EVC2: variants seen among roughly 807,000 people sequenced by gnomAD.
EVC2 encodes the protein EvC ciliary complex subunit 2.
Under a neutral mutation model 149.3 loss-of-function variants are expected in EVC2, and 148 were observed. That is an observed-to-expected ratio of 0.99 (90% CI 0.87 to 1.14). The LOEUF (loss-of-function observed/expected upper bound fraction) is 1.14, where lower values mean the gene tolerates loss of function less well. Among genes scored for constraint, EVC2 ranks in the 50% most tolerant of loss-of-function variants. The probability of loss-of-function intolerance (pLI) is 0.00; values close to 1 mark genes in which losing one functional copy is unlikely to be tolerated. For synonymous variants in EVC2, 776 were observed against 649.9 expected (o/e 1.19, Z -2.95); for missense variants, 1,854 against 1,627.3 (o/e 1.14, Z -2.40).
chr4:5,643,563 G>C (rs1011050714), intron 9 of EVC2, among the ~76,000 whole-genome samples: 1 of 152,144 alleles, frequency 6.6e-6, no homozygotes, highest in South Asian at 2.1e-4. Flanking sequence ...CTTGGGCCCA[G>C]CTGGGGCCCC....
intron 7 of EVC2, among the ~76,000 whole-genome samples, chr4:5,673,562 C>CT (rs1719799596): frequency 1.7e-5 from 1 of 60,288 alleles, no homozygotes; most frequent in Non-Finnish European, 3.4e-5. Context: ...GTTATCCCGG[C>CT]TTCCCCCCCA....
the EVC2 span, among the ~76,000 whole-genome samples, chr4:5,535,999 C>G: frequency 6.6e-6 from 1 of 151,990 alleles, no homozygotes; most frequent in Non-Finnish European, 1.5e-5. The surrounding 1 kb of genome is among the most constrained non-coding windows in gnomAD (Gnocchi z 4.7). Flanking sequence ...GCCATACTTC[C>G]CTGTTTAGCC....
intron 9 of EVC2, among the ~76,000 whole-genome samples, chr4:5,648,667 G>C (rs974591814): frequency 6.6e-6 from 1 of 152,188 alleles, no homozygotes; most frequent in African/African-American, 2.4e-5. Flanking sequence ...CCCTCTCACA[G>C]AAGATTGGCT....
chr4:5,704,845 A>G (rs2151746210), intron 1 of EVC2, among the ~76,000 whole-genome samples: 1 of 151,402 alleles, frequency 6.6e-6, no homozygotes, highest in East Asian at 1.9e-4. Context: ...ACCTGGGAAT[A>G]CAGGCATGTG....
chr4:5,605,642 G>T (rs1462575905), intron 16 of EVC2, among the ~76,000 whole-genome samples: 1 of 152,216 alleles, frequency 6.6e-6, no homozygotes, highest in Non-Finnish European at 1.5e-5. Context: ...GAGAAAGAAG[G>T]CACATTATCT....
In EVC2 at chr4:5,677,675, C is replaced by G. The variant is rs942774409; in HGVS notation, c.870+3585G>C. ...GCCTTTTATTACACTCATACAGCAA[C>G]CAGCCACCTCCTCCTCCTGAGCAGC... On this transcript the variant is annotated intron_variant, in intron 7 of 21. Transcript: ENST00000344408. This position sits in a 1 kb window ranked among gnomAD's most constrained non-coding sequence, Gnocchi z 4.3. 6.6e-6 allele frequency among the ~76,000 whole-genome samples: 1 copy of G among 152,218 alleles called. No homozygotes were observed. Among genetic ancestry groups the G allele is most frequent in the South Asian group, 2.1e-4 (1 of 4,824 alleles).
intron 8 of EVC2, among the ~76,000 whole-genome samples, chr4:5,663,663 G>A (rs1719056163): frequency 6.6e-6 from 1 of 152,200 alleles, no homozygotes; most frequent in African/African-American, 2.4e-5. Context: ...GCTCACGCCT[G>A]TAATCCCAGC....
At chr4:5,691,406 A>C (rs1323581135) in intron 3 of EVC2, 73 bp from the exon 4 acceptor site, 1 of 1,292,508 alleles carries the variant, frequency 7.7e-7, no homozygotes, top group Non-Finnish European at 1.1e-6. Context: ...AAAGTACAAG[A>C]TAATGAAATT....
intron 7 of EVC2, among the ~76,000 whole-genome samples, chr4:5,672,019 G>A (rs1163488833): frequency 1.3e-5 from 2 of 152,190 alleles, no homozygotes; most frequent in Non-Finnish European, 2.9e-5. Context: ...CTGGAAGAAC[G>A]AGGAGGAACC....
At chr4:5,589,730 A>C (rs959792214) in intron 16 of EVC2, among the ~76,000 whole-genome samples, 1 of 151,902 alleles carries the variant, frequency 6.6e-6, no homozygotes, top group Admixed American at 6.6e-5. Flanking sequence ...TGTTCCATAG[A>C]TTTTGTTTGT....
chr4:5,682,719 TGTG>T (rs1720435187), intron 6 of EVC2, among the ~76,000 whole-genome samples: 1 of 150,310 alleles, frequency 6.7e-6, no homozygotes, highest in Non-Finnish European at 1.5e-5. Context: ...ATTAGCCAGG[TGTG>T]GTGGTGGGTG....
At chr4:5,708,060 G>A (rs1722331472) in intron 1 of EVC2, 1 of 424,960 alleles carries the variant, frequency 2.4e-6, no homozygotes, top group Non-Finnish European at 4.1e-6. Flanking sequence ...GGTCGCTGGT[G>A]AAGTCCAAGC....
chr4:5,554,496 A>G (rs1265323934), intron 21 of EVC2, among the ~76,000 whole-genome samples: 4 of 152,304 alleles, frequency 2.6e-5, no homozygotes, highest in African/African-American at 9.6e-5. Context: ...TGATAGAGAG[A>G]TAAGAAAGAT....
chr4:5,661,117 G>C (rs1282476070), intron 9 of EVC2, among the ~76,000 whole-genome samples: 1 of 152,194 alleles, frequency 6.6e-6, no homozygotes, highest in African/African-American at 2.4e-5. Context: ...AGTGGGTAGT[G>C]AGTGGGCAGA....
intron 14 of EVC2, among the ~76,000 whole-genome samples, chr4:5,619,877 T>C (rs1715554073): frequency 6.6e-6 from 1 of 152,166 alleles, no homozygotes; most frequent in South Asian, 2.1e-4. Context: ...TGTAGATGTG[T>C]TTGAATGTTC....
rs1715794044 is a variant in EVC2 at position 5,622,731 on chromosome 4, GGGC to G, written c.2304_2306del (p.Pro769del). 13 of 1,613,976 alleles carry G rather than the reference GGGC, an allele frequency of 8.1e-6. No individual in the cohort carries two copies. The highest frequency in any genetic ancestry group is 1.1e-5 in the Non-Finnish European group (13 of 1,180,044). ...CCAGGATCTGCTGCAGGAAGAGCCA[GGGC>G]ACCCCACGCTTGAGCAGCTCCTGGG... On this transcript the variant is annotated inframe_deletion, in exon 14 of 22. Transcript: ENST00000344408. The surrounding 1 kb of genome is among the most constrained non-coding windows in gnomAD (Gnocchi z 5.8).
rs141576990 is a variant in EVC2 at position 5,694,391 on chromosome 4, G to A, written c.394C>T (p.Pro132Ser). The A allele has an allele frequency of 8.1e-6, 13 of 1,614,022 alleles. No individual in the cohort carries two copies. The highest frequency in any genetic ancestry group is 1.1e-5 in the Non-Finnish European group (13 of 1,180,012). The change falls in exon 3 of 22, where the codon CCC becomes TCC. Residue 132 changes from proline to serine, a missense_variant. Transcript: ENST00000344408. ...AATAAGTTCTTCTTAGGCCAGGAGG[G>A]TATAAAAGCAAATAAGGAATGAGCC... is the stretch of plus-strand genomic sequence containing the variant. ...PWAHSLFAFI[P>S]SWPKKNLFKR...
At chr4:5,644,506 T>C (rs945981808) in intron 9 of EVC2, among the ~76,000 whole-genome samples, 5 of 152,122 alleles carry the variant, frequency 3.3e-5, no homozygotes, top group Admixed American at 1.3e-4. Context: ...GGTTTCACCA[T>C]GTTGGCCAGG....
chr4:5,689,295 T>C lies in EVC2; in HGVS notation c.568A>G (p.Asn190Asp), dbSNP rs1560228153. ...AQTARIWLLVNNTKTTSSANL... is the reference protein window; with the variant it reads ...AQTARIWLLVDNTKTTSSANL... ...GCTGACGAGGTTGTCTTGGTGTTGT[T>C]AACAAGCAGCCATATGCGGGCTGTC... Residue 190 changes from asparagine (N) to aspartate (D), a missense_variant, in exon 5 of 22, where the codon AAC becomes GAC. Asn to Asp is a conservative substitution (Grantham distance 23). Transcript: ENST00000344408. The C allele has an allele frequency of 6.2e-7, 1 of 1,614,144 alleles. No homozygotes were observed.
Sources: gnomAD v4.1 joint callset for allele counts (sites outside exome capture counted in the v4.1 genomes callset) on GRCh38, gnomAD v4.1.1 for gene constraint, Gnocchi (gnomAD v3.1) non-coding constraint, MANE v1.5 for transcripts, NCBI Gene and HGNC (gene_info 2026-07-23, HGNC 2026-07-21) for gene names.